The following SLC8A3 variants were observed in gnomAD, a reference collection of about 807,000 sequenced individuals.
SLC8A3 encodes sodium/calcium exchanger 3.
A neutral mutation model predicts 65.4 loss-of-function variants in SLC8A3; 37 were observed. That is an observed-to-expected ratio of 0.57 (90% CI 0.44 to 0.74). The LOEUF is 0.74. Ranked by LOEUF, SLC8A3 falls within the 30% of genes least tolerant of loss-of-function variation. The pLI, the probability that SLC8A3 is intolerant of heterozygous loss-of-function variation, is 0.00. For missense variants in SLC8A3, 1,112 were observed against 1,172.1 expected (o/e 0.95, Z 0.75); for synonymous variants, 461 against 444.5 (o/e 1.04, Z -0.47).
intron 2 of SLC8A3, among the ~76,000 whole-genome samples, chr14:70,106,771 A>C (rs1337027726): frequency 1.3e-5 from 2 of 152,094 alleles, no homozygotes. Context: ...AAGGTTGCAC[A>C]GGGTGTATTT....
At chr14:70,119,786 T>C (rs148138763) in intron 2 of SLC8A3, among the ~76,000 whole-genome samples, 202 of 152,370 alleles carry the variant, frequency 1.3e-3, no homozygotes, top group African/African-American at 4.8e-3. Context: ...AGGATTGTTG[T>C]GAAGATTAAA....
intron 2 of SLC8A3, among the ~76,000 whole-genome samples, chr14:70,133,304 C>A (rs1036895393): frequency 6.6e-6 from 1 of 152,120 alleles, no homozygotes; most frequent in Non-Finnish European, 1.5e-5. Context: ...GGCAGAATGA[C>A]CTTCACTCAA....
chr14:70,184,253 C>G (rs563223642), intron 1 of SLC8A3, among the ~76,000 whole-genome samples: 1 of 152,296 alleles, frequency 6.6e-6, no homozygotes, highest in East Asian at 1.9e-4. Context: ...CTCTCTCCCA[C>G]TTTCCAGTTT....
intron 2 of SLC8A3, among the ~76,000 whole-genome samples, chr14:70,117,517 G>C (rs982763940): frequency 2.6e-5 from 4 of 152,212 alleles, no homozygotes; most frequent in African/African-American, 9.7e-5. Context: ...AACCTGACCT[G>C]CAACACGAGT....
rs540781051 is a variant in SLC8A3, at chr14:70,085,350, G to T, written c.1785-24411C>A. Among the ~76,000 whole-genome samples, 14 of 152,238 alleles carry T rather than the reference G, an allele frequency of 9.2e-5. 1 individual carries two copies. In the South Asian group the frequency reaches 2.9e-3, roughly 32 times the overall value. On this transcript the variant is annotated intron_variant, in intron 2 of 6. Transcript: ENST00000356921. ...AAAAAAACACATACAATCAGATTAT[G>T]ATTTCTTTCCTTCTATGCATTCTCC...
chr14:70,171,607 C>T (rs766560211), intron 1 of SLC8A3, among the ~76,000 whole-genome samples: 1 of 152,106 alleles, frequency 6.6e-6, no homozygotes, highest in Non-Finnish European at 1.5e-5. Flanking sequence ...TCAAGGCCAG[C>T]CTGACCAACA....
At chr14:70,148,671 AAC>A (rs1250851752) in intron 2 of SLC8A3, among the ~76,000 whole-genome samples, 1 of 152,160 alleles carries the variant, frequency 6.6e-6, no homozygotes, top group Non-Finnish European at 1.5e-5. Flanking sequence ...TGTTGAATGA[AAC>A]ACATAAAATT....
intron 2 of SLC8A3, among the ~76,000 whole-genome samples, chr14:70,147,182 A>T (rs763933019): frequency 2.6e-4 from 39 of 152,224 alleles, no homozygotes; most frequent in Admixed American, 2.0e-4. Flanking sequence ...ACTGCAGGAT[A>T]GGTGAAAAAC....
At chr14:70,138,838 T>A (rs1013714909) in intron 2 of SLC8A3, among the ~76,000 whole-genome samples, 8 of 152,178 alleles carry the variant, frequency 5.3e-5, no homozygotes, top group Non-Finnish European at 1.0e-4. Flanking sequence ...TCTTACTATG[T>A]GTGGACAAAC....
At chr14:70,188,034 C>T (rs1169811174) in intron 1 of SLC8A3, among the ~76,000 whole-genome samples, 2 of 152,116 alleles carry the variant, frequency 1.3e-5, no homozygotes, top group African/African-American at 2.4e-5. Context: ...AAACAGCACC[C>T]GCTACCAACC....
At chr14:70,175,724 A>G (rs1273768525) in intron 1 of SLC8A3, among the ~76,000 whole-genome samples, 2 of 140,836 alleles carry the variant, frequency 1.4e-5, no homozygotes, top group African/African-American at 2.6e-5. Flanking sequence ...AATATAGGGA[A>G]GCTTTTTTTT....
chr14:70,083,606 A>G (rs933707145), intron 2 of SLC8A3, among the ~76,000 whole-genome samples: 2 of 152,242 alleles, frequency 1.3e-5, no homozygotes, highest in Non-Finnish European at 2.9e-5. Flanking sequence ...GAAAGCCCCA[A>G]TAATCCTTTG....
intron 2 of SLC8A3, among the ~76,000 whole-genome samples, chr14:70,157,166 C>A (rs188623208): frequency 5.3e-5 from 8 of 152,316 alleles, no homozygotes; most frequent in African/African-American, 1.7e-4. Context: ...CGCCCCAGTA[C>A]AGGCCACTAC....
At chr14:70,073,546 C>G (rs916397777) in intron 2 of SLC8A3, among the ~76,000 whole-genome samples, 8 of 152,234 alleles carry the variant, frequency 5.3e-5, no homozygotes, top group Middle Eastern at 3.4e-3. Context: ...GTTGATAAAT[C>G]CCCTTCTTGG....
At chr14:70,126,503 A>G (rs1042921811) in intron 2 of SLC8A3, among the ~76,000 whole-genome samples, 13 of 151,040 alleles carry the variant, frequency 8.6e-5, no homozygotes, top group Non-Finnish European at 1.5e-4. Flanking sequence ...AAGAAACCCA[A>G]AATTTTGTCC....
intron 2 of SLC8A3, among the ~76,000 whole-genome samples, chr14:70,161,936 A>T (rs1442021855): frequency 6.6e-6 from 1 of 152,222 alleles, no homozygotes; most frequent in African/African-American, 2.4e-5. Context: ...TTCATGGAAC[A>T]AGGCCTAGCC....
intron 2 of SLC8A3, among the ~76,000 whole-genome samples, chr14:70,116,487 T>C (rs774488329): frequency 1.3e-5 from 2 of 152,144 alleles, no homozygotes; most frequent in Admixed American, 6.5e-5. Context: ...CTAACAGCCA[T>C]GTTGTGTATC....
chr14:70,048,831 G>A lies in SLC8A3; in HGVS notation c.2325C>T (p.Cys775=). The A allele has an allele frequency of 6.2e-7, 1 of 1,614,118 alleles. No homozygotes were observed. The highest frequency in any genetic ancestry group is 8.5e-7 in the Non-Finnish European group (1 of 1,180,014). The part of the protein sequence containing the change: ...IIGDLASHFG[C]TIGLKDSVTA... Reference sequence around the variant, plus strand: ...TGACTGAATCTTTGAGACCAATGGTGCAGCCGAAGTGCGAGGCCAGGTCCC... The same window carrying A: ...TGACTGAATCTTTGAGACCAATGGTACAGCCGAAGTGCGAGGCCAGGTCCC... The change falls in exon 6 of 7, where the codon TGC becomes TGT. Residue 775 remains cysteine (C), a synonymous_variant. Transcript: ENST00000356921.
At position 70,089,469 on chromosome 14, in the gene SLC8A3, A is replaced by T. The variant is rs11845127; in HGVS notation, c.1785-28530T>A. ...AAGGGGAAGTAAGACAAAGTAAAAG[A>T]TAAATTTAAGGTTTGCTACTGGGTG... is the stretch of plus-strand genomic sequence containing the variant. On this transcript the variant is annotated intron_variant, in intron 2 of 6. Coordinates refer to ENST00000356921, the MANE Select transcript of SLC8A3 (RefSeq NM_182932.3). 8.7e-3 allele frequency among the ~76,000 whole-genome samples: 1,327 copies of T among 152,364 alleles called. 17 individuals are homozygous for T. The highest frequency in any genetic ancestry group is 0.031 in the African/African-American group (1,296 of 41,578).
Sources: gnomAD v4.1 joint callset for allele counts (sites outside exome capture counted in the v4.1 genomes callset) on GRCh38, gnomAD v4.1.1 for gene constraint, MANE v1.5 for transcripts, NCBI Gene and HGNC (gene_info 2026-07-23, HGNC 2026-07-21) for gene names.